Variants in WWP1 observed in about 807,000 individuals in gnomAD.
The protein encoded by WWP1 is WW domain containing E3 ubiquitin protein ligase 1.
A neutral mutation model predicts 130.6 loss-of-function variants in WWP1; 49 were observed. The observed-to-expected ratio is 0.38, with a 90% confidence interval of 0.30 to 0.48. The LOEUF (loss-of-function observed/expected upper bound fraction) is 0.48. WWP1 is among the 20% of genes least tolerant of loss of function. The probability of loss-of-function intolerance (pLI) is 0.99; values close to 1 mark genes in which losing one functional copy is unlikely to be tolerated. For missense variants in WWP1, 809 were observed against 1,100.6 expected, an observed-to-expected ratio of 0.74 and a Z score of 3.75; for synonymous variants, 332 against 367.8, an observed-to-expected ratio of 0.90 and a Z score of 1.11.
chr8:86,407,672 A>C (rs1029637909), intron 8 of WWP1, among the ~76,000 whole-genome samples: 7 of 152,154 alleles, frequency 4.6e-5, no homozygotes, highest in African/African-American at 1.7e-4. Context: ...GTATTGAAGA[A>C]CCAACATTTG....
At chr8:86,425,178 C>A (rs1314341404) in intron 9 of WWP1, 45 bp from the exon 10 acceptor site, 1 of 1,495,402 alleles carries the variant, frequency 6.7e-7, no homozygotes, top group Non-Finnish European at 9.2e-7. Context: ...TTAAGATTGT[C>A]CTAGTGTGTT....
Position 86,467,022 on chromosome 8 carries a change from G to GCTGGC in WWP1, c.*129_*130insCTGGC. The GCTGGC allele has an allele frequency of 1.5e-6, 1 of 670,470 alleles. No homozygotes were observed. Among genetic ancestry groups the GCTGGC allele is most frequent in the Non-Finnish European group, 2.6e-6 (1 of 390,760 alleles). The allele number at this position is 670,470 out of a possible 1,614,324, so 41.5% of individuals were successfully genotyped here. A position where few individuals can be genotyped will look rare whatever the true frequency, so the allele number is the denominator to read the frequency against. On this transcript the variant is annotated 3_prime_UTR_variant, in exon 25 of 25. Coordinates refer to ENST00000517970, the MANE Select transcript of WWP1 (RefSeq NM_007013.4). ...CCGAACCTCTCAAAGTATGTTTTCC[G>GCTGGC]TTCTTCCACAGAAATATGCAAAACA...
At chr8:86,362,370 T>A (rs1292176394) in intron 1 of WWP1, among the ~76,000 whole-genome samples, 1 of 151,292 alleles carries the variant, frequency 6.6e-6, no homozygotes, top group African/African-American at 2.4e-5. Flanking sequence ...CAGTGTTTAT[T>A]GAGTGATTGA....
chr8:86,410,203 TC>T (rs1808507692), intron 8 of WWP1, among the ~76,000 whole-genome samples: 1 of 152,162 alleles, frequency 6.6e-6, no homozygotes, highest in African/African-American at 2.4e-5. Flanking sequence ...TTTCACTTTT[TC>T]TCCCCTAATG....
At chr8:86,435,578 A>T (rs767672547) in intron 15 of WWP1, 51 bp downstream of exon 15, 2 of 1,612,212 alleles carry the variant, frequency 1.2e-6, no homozygotes, top group Non-Finnish European at 8.5e-7. Context: ...TCTTCTCTTT[A>T]TACAATACAT....
intron 15 of WWP1, 34 bp downstream of exon 15, chr8:86,435,561 A>G: frequency 2.5e-6 from 4 of 1,612,916 alleles, no homozygotes; most frequent in Non-Finnish European, 3.4e-6. Flanking sequence ...TATACTCAAT[A>G]ATTTAGTCTT....
intron 9 of WWP1, among the ~76,000 whole-genome samples, chr8:86,423,988 C>G (rs1286875320): frequency 3.6e-4 from 12 of 33,728 alleles, no homozygotes; most frequent in Non-Finnish European, 7.3e-4. Flanking sequence ...TATGGGGCTG[C>G]CCCCCACCTC....
chr8:86,448,424 G>A lies in WWP1; in HGVS notation c.2184G>A (p.Met728Ile). ...TAGAAATGTACTTTTCTGTTGACAT[G>A]GAGATTTTGGGAAAAGTTACTTCAC... is the stretch of plus-strand genomic sequence containing the variant. ...CGLEMYFSVD[M>I]EILGKVTSHD... is the part of the protein sequence containing the mutation. Residue 728 changes from methionine to isoleucine, a missense_variant, in exon 20 of 25, where the codon ATG becomes ATA. By Grantham distance (10) the Met-to-Ile change is conservative (BLOSUM62 1). This residue lies in a region of WWP1 where 450 missense variants were observed against 674.2 expected (regional missense o/e 0.67). Coordinates refer to ENST00000517970, the MANE Select transcript of WWP1 (RefSeq NM_007013.4). The A allele has an allele frequency of 6.2e-7, 1 of 1,613,596 alleles. No individual in the cohort carries two copies. Among genetic ancestry groups the A allele is most frequent in the East Asian group, 2.2e-5 (1 of 44,784 alleles).
intron 5 of WWP1, chr8:86,386,909 A>G (rs1238474941): frequency 6.6e-6 from 1 of 152,190 alleles, no homozygotes; most frequent in African/African-American, 2.4e-5. Flanking sequence ...CCTGTTTCCA[A>G]GATGGCACCT....
rs763211012 is a variant in WWP1, at chr8:86,442,679, T to C, written c.1899T>C (p.Tyr633=). ...VLNPMYCLFE[Y]AGKNNYCLQI... is the part of the protein sequence containing the mutation. ...ACCCAATGTATTGCTTATTTGAGTA[T>C]GCGGGCAAGAACAACTATTGTCTGC... Residue 633 remains tyrosine (Y), a synonymous_variant, in exon 18 of 25, where the codon TAT becomes TAC. Transcript: ENST00000517970. 2.5e-6 allele frequency: 4 copies of C among 1,612,478 alleles called. No homozygotes were observed. The highest frequency in any genetic ancestry group is 3.4e-6 in the Non-Finnish European group (4 of 1,179,564).
At chr8:86,433,253 A>G (rs1299843658) in intron 14 of WWP1, among the ~76,000 whole-genome samples, 2 of 119,054 alleles carry the variant, frequency 1.7e-5, no homozygotes, top group African/African-American at 3.9e-5. Flanking sequence ...TTTTTTGTTA[A>G]CTACATTCAT....
At chr8:86,384,981 A>G (rs888680472) in intron 5 of WWP1, among the ~76,000 whole-genome samples, 1 of 151,576 alleles carries the variant, frequency 6.6e-6, no homozygotes, top group African/African-American at 2.4e-5. Flanking sequence ...CCAAGATTAT[A>G]CCACTGCATT....
rs2130743573 is a variant in WWP1 at position 86,448,362 on chromosome 8, A to G, written c.2133-11A>G. 6.2e-7 allele frequency: 1 copy of G among 1,606,296 alleles called. No homozygotes were observed. Among genetic ancestry groups the G allele is most frequent in the Non-Finnish European group, 8.5e-7 (1 of 1,177,772 alleles). ...TTTGTTAATTAGTGTATATATATTT[A>G]TTTCACCCAGAGATAACAACATTGA... On this transcript the variant is annotated splice_polypyrimidine_tract_variant and intron_variant, in intron 19 of 24. Transcript: ENST00000517970.
At chr8:86,439,838 C>G (rs1207736305) in intron 17 of WWP1, among the ~76,000 whole-genome samples, 3 of 152,128 alleles carry the variant, frequency 2.0e-5, no homozygotes, top group African/African-American at 4.8e-5. Flanking sequence ...TTCAAACTTG[C>G]TTTTCATAGA....
chr8:86,435,419 G>A (rs752107594), intron 14 of WWP1, 33 bp from the exon 15 acceptor site: 4 of 1,602,388 alleles, frequency 2.5e-6, no homozygotes, highest in Non-Finnish European at 3.4e-6. Context: ...ACTTTATTAT[G>A]AGTTAATTTG....
intron 5 of WWP1, among the ~76,000 whole-genome samples, chr8:86,395,985 C>T (rs369900598): frequency 2.6e-5 from 4 of 152,162 alleles, no homozygotes; most frequent in South Asian, 2.1e-4. Flanking sequence ...GCCAAATCAC[C>T]AAATTCCAGA....
chr8:86,380,148 A>G (rs1279876852), intron 3 of WWP1, among the ~76,000 whole-genome samples: 1 of 152,222 alleles, frequency 6.6e-6, no homozygotes, highest in Non-Finnish European at 1.5e-5. Context: ...ATATACCCAT[A>G]TAATAGAATG....
Position 86,398,439 on chromosome 8 carries a change from T to C in WWP1, c.432T>C (p.Ile144=), listed in dbSNP as rs1238343325. 1 of 1,612,850 alleles carries C rather than the reference T, an allele frequency of 6.2e-7. No individual in the cohort carries two copies. ...ELTVVLDGLV[I]EQENITNCSS... is the part of the protein sequence containing the mutation. ...CAGTTGTGCTTGATGGATTGGTGATTGAGCAAGAAAATATAACAAACTGCA... is the reference window on the plus strand; with the variant it reads ...CAGTTGTGCTTGATGGATTGGTGATCGAGCAAGAAAATATAACAAACTGCA... Residue 144 remains isoleucine, a synonymous_variant, in exon 6 of 25, where the codon ATT becomes ATC. Transcript: ENST00000517970.
intron 1 of WWP1, among the ~76,000 whole-genome samples, chr8:86,367,128 A>G (rs1188240812): frequency 6.6e-6 from 1 of 152,160 alleles, no homozygotes; most frequent in East Asian, 1.9e-4. Flanking sequence ...GCTCTGTTAC[A>G]TATCATCCTA....
Sources: allele counts gnomAD v4.1 joint callset (sites outside exome capture counted in the v4.1 genomes callset), GRCh38; gene constraint gnomAD v4.1.1; regional missense constraint gnomAD v4.1.1; transcripts MANE v1.5; gene names NCBI Gene and HGNC (gene_info 2026-07-23, HGNC 2026-07-21).